Variants in SYT17 observed in about 807,000 individuals in gnomAD.
SYT17 encodes synaptotagmin-17.
In SYT17, 22 loss-of-function variants were observed where a neutral mutation model predicts 46.7. The observed-to-expected ratio is 0.47, with a 90% confidence interval of 0.34 to 0.67. The LOEUF is 0.67. Ranked by LOEUF, SYT17 falls within the 30% of genes least tolerant of loss-of-function variation. The pLI is 0.01. For synonymous variants in SYT17, 251 were observed against 248.4 expected, an observed-to-expected ratio of 1.01 and a Z score of -0.10; for missense variants, 519 against 612.8, an observed-to-expected ratio of 0.85 and a Z score of 1.62.
chr16:19,225,747 C>T (rs906665458), intron 7 of SYT17, among the ~76,000 whole-genome samples: 31 of 152,330 alleles, frequency 2.0e-4, no homozygotes, highest in African/African-American at 7.2e-4. Flanking sequence ...CAGTGACCTT[C>T]CTCAATTCCT....
At chr16:19,192,821 A>T (rs1965079269) in intron 5 of SYT17, among the ~76,000 whole-genome samples, 1 of 152,154 alleles carries the variant, frequency 6.6e-6, no homozygotes, top group Non-Finnish European at 1.5e-5. Flanking sequence ...GGTTTCTACT[A>T]CTGTGATGGT....
At position 19,168,498 on chromosome 16, in the gene SYT17, C is replaced by G; in HGVS notation, c.-149C>G. The G allele has an allele frequency of 9.2e-7, 1 of 1,087,666 alleles. No homozygotes were observed. The highest frequency in any genetic ancestry group is 1.3e-6 in the Non-Finnish European group (1 of 765,404). 67.4% of individuals were successfully genotyped at this position (1,087,666 alleles called of 1,614,324 possible). On this transcript the variant is annotated 5_prime_UTR_variant, in exon 1 of 8. Coordinates refer to ENST00000355377, the MANE Select transcript of SYT17 (RefSeq NM_016524.4). This position sits in a 1 kb window ranked among gnomAD's most constrained non-coding sequence, Gnocchi z 6.9. Reference sequence around the variant, plus strand: ...GGGCGGCCGGCGGAGGGGCGGGCGCCGCTCATCAGCCACGCCAGTCACGTC... The same window carrying G: ...GGGCGGCCGGCGGAGGGGCGGGCGCGGCTCATCAGCCACGCCAGTCACGTC...
chr16:19,172,282 A>G, intron 1 of SYT17: 4 of 1,222,322 alleles, frequency 3.3e-6, no homozygotes, highest in Non-Finnish European at 4.1e-6. Flanking sequence ...TCACCATTGG[A>G]GCAGAATTGG....
chr16:19,229,351 A>G (rs1260459208), intron 7 of SYT17, among the ~76,000 whole-genome samples: 1 of 152,156 alleles, frequency 6.6e-6, no homozygotes, highest in Non-Finnish European at 1.5e-5. Flanking sequence ...CAGGAAACGT[A>G]CAATCATGGA....
In SYT17 at chr16:19,267,308, C is replaced by T; in HGVS notation, c.*232C>T. ...GTGAGGCCTAGGAACTTTCCGGAAG[C>T]CCCATCCATAGATCACAAGCTCAGT... On this transcript the variant is annotated 3_prime_UTR_variant, in exon 8 of 8. Coordinates refer to ENST00000355377, the MANE Select transcript of SYT17 (RefSeq NM_016524.4). The T allele has an allele frequency of 2.4e-6, 1 of 423,976 alleles. No individual in the cohort carries two copies. The highest frequency in any genetic ancestry group is 4.2e-6 in the Non-Finnish European group (1 of 238,416). 26.3% of individuals were successfully genotyped at this position (423,976 alleles called of 1,614,324 possible).
intron 5 of SYT17, among the ~76,000 whole-genome samples, chr16:19,197,290 C>A (rs572983347): frequency 2.0e-5 from 3 of 152,204 alleles, no homozygotes; most frequent in African/African-American, 7.2e-5. Flanking sequence ...TCTTTTCATG[C>A]GGTCCTTCAT....
chr16:19,200,145 A>T (rs927436020), intron 5 of SYT17, among the ~76,000 whole-genome samples: 4 of 152,212 alleles, frequency 2.6e-5, no homozygotes, highest in Non-Finnish European at 4.4e-5. Flanking sequence ...GTGAATCACC[A>T]AGGCCTCAGG....
At chr16:19,227,991 A>G (rs1384061482) in intron 7 of SYT17, among the ~76,000 whole-genome samples, 1 of 152,152 alleles carries the variant, frequency 6.6e-6, no homozygotes, top group Admixed American at 6.5e-5. Context: ...TTCATTTTTA[A>G]TAACTGCATT....
intron 7 of SYT17, among the ~76,000 whole-genome samples, chr16:19,244,772 C>T (rs935775542): frequency 2.0e-5 from 3 of 152,208 alleles, no homozygotes; most frequent in Non-Finnish European, 2.9e-5. Context: ...AGTTTCATCT[C>T]TAGCTGGTGG....
At chr16:19,201,109 AG>A (rs1965442247) in intron 5 of SYT17, among the ~76,000 whole-genome samples, 1 of 152,210 alleles carries the variant, frequency 6.6e-6, no homozygotes, top group Admixed American at 6.5e-5. Context: ...ACTGCCGGAC[AG>A]TCCAGGGGAC....
chr16:19,260,682 T>C (rs1222283205), intron 7 of SYT17, among the ~76,000 whole-genome samples: 1 of 152,146 alleles, frequency 6.6e-6, no homozygotes, highest in African/African-American at 2.4e-5. Context: ...CCCATTCAGA[T>C]GGTTAGGGGG....
chr16:19,258,468 C>T (rs1968735210), intron 7 of SYT17, among the ~76,000 whole-genome samples: 1 of 151,810 alleles, frequency 6.6e-6, no homozygotes, highest in African/African-American at 2.4e-5. Flanking sequence ...TGGTGAAACC[C>T]CGTCTCTACT....
At chr16:19,212,359 A>T (rs1965936731) in intron 5 of SYT17, among the ~76,000 whole-genome samples, 1 of 152,068 alleles carries the variant, frequency 6.6e-6, no homozygotes, top group African/African-American at 2.4e-5. Flanking sequence ...GGTGGCTCAC[A>T]CATGTCATCC....
chr16:19,210,347 G>A (rs536422825), intron 5 of SYT17, among the ~76,000 whole-genome samples: 55 of 152,230 alleles, frequency 3.6e-4, no homozygotes, highest in Non-Finnish European at 5.9e-4. Flanking sequence ...GATTACAAGC[G>A]TGAGTCACCG....
intron 5 of SYT17, among the ~76,000 whole-genome samples, chr16:19,199,778 C>T (rs1965391952): frequency 6.6e-6 from 1 of 152,072 alleles, no homozygotes; most frequent in Admixed American, 6.6e-5. Flanking sequence ...ATATTGATAT[C>T]TATGAATGAG....
chr16:19,178,567 C>T (rs1308441457), intron 3 of SYT17, among the ~76,000 whole-genome samples: 1 of 152,218 alleles, frequency 6.6e-6, no homozygotes, highest in Non-Finnish European at 1.5e-5. Context: ...CCTGGGATTA[C>T]AGGCATGAGC....
At chr16:19,175,645 CAA>C (rs34788366) in intron 3 of SYT17, among the ~76,000 whole-genome samples, 18 of 67,774 alleles carry the variant, frequency 2.7e-4, no homozygotes, top group East Asian at 1.9e-3. Flanking sequence ...AGCAAGACTT[CAA>C]AAAAAAAAAA....
intron 7 of SYT17, among the ~76,000 whole-genome samples, chr16:19,228,019 G>A (rs1040659101): frequency 2.0e-5 from 3 of 150,578 alleles, no homozygotes; most frequent in Non-Finnish European, 4.4e-5. Flanking sequence ...GTTGCATGAT[G>A]TAGTATGATA....
chr16:19,183,438 G>C lies in SYT17; in HGVS notation c.332-90G>C. ...ATGGCAAAGGTCATTCTGAAGCAGA[G>C]TAAACAATGCAAGAATCTGCTTACC... On this transcript the variant is annotated intron_variant, in intron 4 of 7. Coordinates refer to ENST00000355377, the MANE Select transcript of SYT17 (RefSeq NM_016524.4). This position sits in a 1 kb window ranked among gnomAD's most constrained non-coding sequence, Gnocchi z 5.6. 6.6e-7 allele frequency: 1 copy of C among 1,522,740 alleles called. No homozygotes were observed. Among genetic ancestry groups the C allele is most frequent in the Non-Finnish European group, 8.9e-7 (1 of 1,123,508 alleles). The allele number at this position is 1,522,740 out of a possible 1,614,324, so 94.3% of individuals were successfully genotyped here.
Sources: allele counts gnomAD v4.1 joint callset (sites outside exome capture counted in the v4.1 genomes callset), GRCh38; gene constraint gnomAD v4.1.1; non-coding constraint Gnocchi (gnomAD v3.1); transcripts MANE v1.5; gene names NCBI Gene and HGNC (gene_info 2026-07-23, HGNC 2026-07-21).